The following DIAPH2 variants were observed in gnomAD, a reference collection of about 807,000 sequenced individuals.
The protein encoded by DIAPH2 is diaphanous related formin 2, also known as protein diaphanous homolog 2.
Under a neutral mutation model 92.7 loss-of-function variants are expected in DIAPH2, and 35 were observed. The ratio of observed to expected loss-of-function variants is 0.38; its 90% CI spans 0.29 to 0.50. The LOEUF is 0.50. Ranked by LOEUF, DIAPH2 falls within the 20% of genes least tolerant of loss-of-function variation. DIAPH2 has a pLI of 0.94. For missense variants in DIAPH2, 701 were observed against 819.5 expected, an observed-to-expected ratio of 0.86 and a Z score of 1.77; for synonymous variants, 301 against 280.4, an observed-to-expected ratio of 1.07 and a Z score of -0.73.
At chrX:97,329,202 T>C (rs1350299251) in intron 23 of DIAPH2, among the ~76,000 whole-genome samples, 1 of 112,475 alleles carries the variant, frequency 8.9e-6, no homozygotes, top group East Asian at 2.8e-4. Flanking sequence ...AGTTAATATG[T>C]GTTTGGATGT....
chrX:97,177,984 G>A (rs1040153516), intron 22 of DIAPH2, among the ~76,000 whole-genome samples: 25 of 111,639 alleles, frequency 2.2e-4, no homozygotes, highest in African/African-American at 4.9e-4. Flanking sequence ...CAAGGAGAGC[G>A]GATCACTTGA....
chrX:97,112,563 A>G (rs1293691170), intron 20 of DIAPH2, among the ~76,000 whole-genome samples: 2 of 109,893 alleles, frequency 1.8e-5, no homozygotes, highest in Admixed American at 9.8e-5. Flanking sequence ...TCACGGAGAC[A>G]TAGACTTTGA....
At chrX:97,168,054 A>G (rs2067424551) in intron 22 of DIAPH2, among the ~76,000 whole-genome samples, 1 of 110,093 alleles carries the variant, frequency 9.1e-6, no homozygotes, top group African/African-American at 3.3e-5. Context: ...GTGCCTTTTA[A>G]TGAACAAATG....
intron 4 of DIAPH2, among the ~76,000 whole-genome samples, chrX:96,836,979 A>G (rs1002710210): frequency 3.8e-5 from 4 of 106,084 alleles, no homozygotes; most frequent in Non-Finnish European, 3.9e-5. Flanking sequence ...CGCCCGCCTC[A>G]GCCTCCCAAA....
intron 24 of DIAPH2, among the ~76,000 whole-genome samples, chrX:97,349,500 C>G (rs1401475222): frequency 1.8e-5 from 2 of 110,990 alleles, no homozygotes; most frequent in Non-Finnish European, 3.8e-5. Context: ...ATGCTGTTGC[C>G]CTGTGAAATC....
intron 26 of DIAPH2, among the ~76,000 whole-genome samples, chrX:97,486,375 C>T (rs1209130340): frequency 2.7e-5 from 3 of 111,522 alleles, no homozygotes; most frequent in Admixed American, 1.9e-4. Flanking sequence ...CTTCTTTGTG[C>T]CAGTGTTCTC....
chrX:96,724,374 G>C lies in DIAPH2; in HGVS notation c.133-11384G>C, dbSNP rs17256444. Among the ~76,000 whole-genome samples, 571 of 111,987 alleles carry C rather than the reference G, an allele frequency of 5.1e-3. 3 individuals are homozygous for C. The highest frequency in any genetic ancestry group is 8.7e-3 in the Non-Finnish European group (465 of 53,211). ...TTATAAAACCAAATTACGCAGCAGT[G>C]AGGAAAATAGAAACTTGAATGAATG... is the stretch of plus-strand genomic sequence containing the variant. On this transcript the variant is annotated intron_variant, in intron 1 of 26. Coordinates refer to ENST00000324765, the MANE Select transcript of DIAPH2 (RefSeq NM_006729.5).
chrX:97,530,767 A>G (rs754018259), intron 26 of DIAPH2, among the ~76,000 whole-genome samples: 9 of 112,083 alleles, frequency 8.0e-5, no homozygotes, highest in African/African-American at 2.9e-4. Flanking sequence ...GAGAAAATAG[A>G]TGACAGTATT....
chrX:96,954,529 G>T (rs1190867095), intron 15 of DIAPH2, among the ~76,000 whole-genome samples: 2 of 111,733 alleles, frequency 1.8e-5, no homozygotes, highest in South Asian at 3.7e-4. Context: ...TGAATTAATT[G>T]TCCTCATTGT....
intron 25 of DIAPH2, among the ~76,000 whole-genome samples, chrX:97,413,280 C>T (rs1458256154): frequency 1.8e-5 from 2 of 111,274 alleles, no homozygotes; most frequent in African/African-American, 6.5e-5. Flanking sequence ...TAATCCATCA[C>T]ATAAACAGAA....
chrX:97,161,486 C>T (rs1032548270), intron 22 of DIAPH2, among the ~76,000 whole-genome samples: 2 of 110,073 alleles, frequency 1.8e-5, no homozygotes, highest in Non-Finnish European at 3.8e-5. Flanking sequence ...CTGCAACCTT[C>T]ACCTCCTGGG....
intron 26 of DIAPH2, among the ~76,000 whole-genome samples, chrX:97,500,547 G>A (rs1161730022): frequency 9.1e-6 from 1 of 109,537 alleles, no homozygotes; most frequent in Non-Finnish European, 1.9e-5. Context: ...TACACCTGTA[G>A]GGCCAGACTG....
intron 20 of DIAPH2, among the ~76,000 whole-genome samples, chrX:97,110,982 CA>C (rs1391907231): frequency 6.5e-4 from 51 of 78,561 alleles, no homozygotes; most frequent in Non-Finnish European, 1.1e-3. Flanking sequence ...GACTCCGTCT[CA>C]AAAAAAACAA....
intron 24 of DIAPH2, among the ~76,000 whole-genome samples, chrX:97,372,663 A>G (rs1446214261): frequency 8.9e-6 from 1 of 111,928 alleles, no homozygotes; most frequent in African/African-American, 3.3e-5. Context: ...GTCTGAAACC[A>G]AAAGATTACT....
intron 23 of DIAPH2, among the ~76,000 whole-genome samples, chrX:97,339,698 A>G (rs1254225871): frequency 8.9e-6 from 1 of 112,219 alleles, no homozygotes; most frequent in African/African-American, 3.2e-5. Flanking sequence ...AACCCCACAA[A>G]GAACACTTCT....
At chrX:97,527,134 A>C (rs1194331264) in intron 26 of DIAPH2, among the ~76,000 whole-genome samples, 1 of 112,501 alleles carries the variant, frequency 8.9e-6, no homozygotes, top group African/African-American at 3.2e-5. Flanking sequence ...TTTTGAAAAC[A>C]AAACATCTGT....
At chrX:96,835,496 G>C (rs141411631) in intron 4 of DIAPH2, among the ~76,000 whole-genome samples, 3 of 111,791 alleles carry the variant, frequency 2.7e-5, no homozygotes, top group Admixed American at 9.5e-5. Context: ...TCCAAAAGAG[G>C]AGTCAGGGGC....
intron 17 of DIAPH2, among the ~76,000 whole-genome samples, chrX:97,014,512 C>T (rs1167633832): frequency 2.7e-5 from 3 of 111,584 alleles, no homozygotes; most frequent in Non-Finnish European, 5.6e-5. Context: ...TCTGTTTTTC[C>T]TAATCCCAGT....
chrX:96,964,878 T>G (rs1164924813), intron 16 of DIAPH2, among the ~76,000 whole-genome samples: 1 of 111,384 alleles, frequency 9.0e-6, no homozygotes, highest in Non-Finnish European at 1.9e-5. Context: ...GCAATTTGCT[T>G]TGTGGTCTAT....
Sources: gnomAD v4.1 joint callset for allele counts (sites outside exome capture counted in the v4.1 genomes callset) on GRCh38, gnomAD v4.1.1 for gene constraint, MANE v1.5 for transcripts, NCBI Gene and HGNC (gene_info 2026-07-23, HGNC 2026-07-21) for gene names.